UBASH3A: variants seen among roughly 807,000 people sequenced by gnomAD.
UBASH3A encodes the protein ubiquitin-associated and SH3 domain-containing protein A.
UBASH3A carries 63 observed loss-of-function variants against 73.5 expected under a neutral mutation model. That is an observed-to-expected ratio of 0.86 (90% CI 0.70 to 1.06). UBASH3A has a LOEUF of 1.06. UBASH3A is among the 50% of genes least tolerant of loss of function. The probability of loss-of-function intolerance (pLI) is 0.00; values close to 1 mark genes in which losing one functional copy is unlikely to be tolerated. For synonymous variants in UBASH3A, 363 were observed against 351.1 expected (o/e 1.03, Z -0.38); for missense variants, 860 against 859.0 (o/e 1.00, Z -0.02).
intron 7 of UBASH3A, among the ~76,000 whole-genome samples, chr21:42,422,969 C>T (rs1233276971): frequency 1.3e-5 from 2 of 152,218 alleles, no homozygotes; most frequent in Middle Eastern, 3.4e-3. Flanking sequence ...TTTTCAAACA[C>T]GACCATTTCA....
At chr21:42,407,092 T>C (rs368286139) in intron 2 of UBASH3A, among the ~76,000 whole-genome samples, 236 of 152,240 alleles carry the variant, frequency 1.6e-3, no homozygotes, top group African/African-American at 5.6e-3. Flanking sequence ...AGGTACCAGC[T>C]GCGTGAGTGA....
chr21:42,404,471 G>C (rs1233068116), intron 1 of UBASH3A, among the ~76,000 whole-genome samples: 1 of 152,096 alleles, frequency 6.6e-6, no homozygotes, highest in African/African-American at 2.4e-5. Flanking sequence ...TGATATTCTT[G>C]ACCTTTTAAA....
In UBASH3A at chr21:42,406,788, A is replaced by T. The variant is rs527963902; in HGVS notation, c.167+427A>T. Among the ~76,000 whole-genome samples, 393 of 152,314 alleles carry T rather than the reference A, an allele frequency of 2.6e-3. 3 individuals are homozygous for T. Among genetic ancestry groups the T allele is most frequent in the African/African-American group, 8.9e-3 (371 of 41,578 alleles). ...TATTAGTACTGCTAATATTCAGCCT[A>T]TTTCAGTAATTGAAGAGCAGGCTGG... is the stretch of plus-strand genomic sequence containing the variant. On this transcript the variant is annotated intron_variant, in intron 2 of 14. Transcript: ENST00000319294.
chr21:42,438,744 A>T (rs2053673655), intron 11 of UBASH3A, among the ~76,000 whole-genome samples: 1 of 152,090 alleles, frequency 6.6e-6, no homozygotes, highest in South Asian at 2.1e-4. Context: ...AAGGTCCACG[A>T]GGGGGCTGCT....
chr21:42,443,015 G>A, intron 12 of UBASH3A: 1 of 805,360 alleles, frequency 1.2e-6, no homozygotes, highest in Non-Finnish European at 1.7e-6. Context: ...TGAGAAGAAG[G>A]TTCAGAGGAG....
chr21:42,437,473 T>C lies in UBASH3A; in HGVS notation c.1394-15T>C. 6.2e-7 allele frequency: 1 copy of C among 1,612,672 alleles called. No individual in the cohort carries two copies. The highest frequency in any genetic ancestry group is 1.7e-4 in the Middle Eastern group (1 of 6,056). On this transcript the variant is annotated splice_polypyrimidine_tract_variant and intron_variant, in intron 10 of 14. Transcript: ENST00000319294. ...TTATGAAGGGGCATTTTCTGCCTTT[T>C]TCACTATTTTCCAGGGGACGCGCTA...
rs776729586 is a variant in UBASH3A, at chr21:42,443,372, G to A, written c.1692G>A (p.Arg564=). ...PAESYQEYMD[R]CTASMVQIVN... is the part of the protein sequence containing the mutation. ...AGAGCTACCAGGAGTACATGGACAG[G>A]TGCACGGCGAGCATGGTGCAAATCG... The change falls in exon 13 of 15, where the codon AGG becomes AGA. Residue 564 remains arginine, a synonymous_variant. Coordinates refer to ENST00000319294, the MANE Select transcript of UBASH3A (RefSeq NM_018961.4). The A allele has an allele frequency of 6.2e-7, 1 of 1,613,484 alleles. No individual in the cohort carries two copies. The highest frequency in any genetic ancestry group is 1.7e-5 in the Admixed American group (1 of 59,978).
rs1568912556 is a variant in UBASH3A, at chr21:42,413,091, C to T, written c.422C>T (p.Ser141Phe). Residue 141 changes from serine (S) to phenylalanine (F), a missense_variant, in exon 4 of 15, where the codon TCC (serine) becomes TTC (phenylalanine). Transcript: ENST00000319294. The surrounding 1 kb of genome is among the most constrained non-coding windows in gnomAD (Gnocchi z 4.5). The stretch of plus-strand genomic sequence containing the variant: ...AGAGCTGGAGACAGGCTCCTGGGCT[C>T]CTTCCCCACGGCCGTGCCTCTGGCT... ...LKRAGDRLLG[S>F]FPTAVPLALH... 6.2e-7 allele frequency: 1 copy of T among 1,614,232 alleles called. No individual in the cohort carries two copies. Among genetic ancestry groups the T allele is most frequent in the African/African-American group, 1.3e-5 (1 of 75,058 alleles).
chr21:42,416,255 C>T (rs1437545045), intron 5 of UBASH3A, among the ~76,000 whole-genome samples, 187 bp from the exon 6 acceptor site: 2 of 152,108 alleles, frequency 1.3e-5, no homozygotes, highest in Non-Finnish European at 2.9e-5. Context: ...CCATATCGTC[C>T]TCTTTCCTAC....
rs767474940 is a variant in UBASH3A, at chr21:42,413,178, G to A, written c.509G>A (p.Arg170Gln). ...FVSGSPADVIREFAMTFATEA... is the reference protein window; with the variant it reads ...FVSGSPADVIQEFAMTFATEA... ...AGTGGCAGCCCCGCAGACGTCATCC[G>A]GGAATTCGCCATGACCTTCGCCACG... Residue 170 changes from arginine to glutamine, a missense_variant, in exon 4 of 15, where the codon CGG becomes CAG. Coordinates refer to ENST00000319294, the MANE Select transcript of UBASH3A (RefSeq NM_018961.4). The surrounding 1 kb of genome is among the most constrained non-coding windows in gnomAD (Gnocchi z 4.5). The A allele has an allele frequency of 8.1e-6, 13 of 1,614,150 alleles. No homozygotes were observed. The highest frequency in any genetic ancestry group is 4.5e-5 in the East Asian group (2 of 44,886).
In UBASH3A at chr21:42,406,941, G is replaced by T. The variant is rs900243388; in HGVS notation, c.167+580G>T. Among the ~76,000 whole-genome samples, 2 of 152,100 alleles carry T rather than the reference G, an allele frequency of 1.3e-5. 1 individual carries two copies. Among genetic ancestry groups the T allele is most frequent in the African/African-American group, 4.8e-5 (2 of 41,340 alleles). Reference sequence around the variant, plus strand: ...TTGAGACATAATTGACATCTTTGCTGATAGAGACTAGCGGCCACCATGCTC... The same window carrying T: ...TTGAGACATAATTGACATCTTTGCTTATAGAGACTAGCGGCCACCATGCTC... On this transcript the variant is annotated intron_variant, in intron 2 of 14. Transcript: ENST00000319294.
At chr21:42,438,869 G>A (rs546632268) in intron 11 of UBASH3A, among the ~76,000 whole-genome samples, 1 of 152,202 alleles carries the variant, frequency 6.6e-6, no homozygotes, top group South Asian at 2.1e-4. Flanking sequence ...TCCTGCAGGA[G>A]GTGGGCAGGA....
chr21:42,411,432 GCA>G (rs765763016), intron 3 of UBASH3A, among the ~76,000 whole-genome samples: 31 of 150,646 alleles, frequency 2.1e-4, no homozygotes, highest in Admixed American at 1.1e-3. Flanking sequence ...ATAGACAAAT[GCA>G]CACATACAGA....
intron 14 of UBASH3A, among the ~76,000 whole-genome samples, chr21:42,445,123 G>A (rs8132545): frequency 0.059 from 9,049 of 152,262 alleles, 921 homozygotes; most frequent in African/African-American, 0.21. Flanking sequence ...TCTGGCAAGG[G>A]CCTTGTGAAT....
Position 42,416,621 on chromosome 21 carries a change from C to A in UBASH3A, c.837+10C>A. ...CTTTGTGCACTACCAGGTGAGAGAGCTGAGCAGGGGCTCATAAGAAGCAGA... is the reference window on the plus strand; with the variant it reads ...CTTTGTGCACTACCAGGTGAGAGAGATGAGCAGGGGCTCATAAGAAGCAGA... On this transcript the variant is annotated intron_variant, in intron 6 of 14. Coordinates refer to ENST00000319294, the MANE Select transcript of UBASH3A (RefSeq NM_018961.4). 6.4e-7 allele frequency: 1 copy of A among 1,552,556 alleles called. No homozygotes were observed. Among genetic ancestry groups the A allele is most frequent in the Non-Finnish European group, 8.7e-7 (1 of 1,147,896 alleles).
intron 10 of UBASH3A, among the ~76,000 whole-genome samples, chr21:42,437,170 C>G (rs2053639322): frequency 6.6e-6 from 1 of 152,248 alleles, no homozygotes; most frequent in African/African-American, 2.4e-5. Context: ...TTTGCTGAAT[C>G]CTTCTCACTT....
intron 7 of UBASH3A, among the ~76,000 whole-genome samples, chr21:42,426,367 G>C (rs1473664375): frequency 6.6e-6 from 1 of 152,198 alleles, no homozygotes; most frequent in Non-Finnish European, 1.5e-5. Flanking sequence ...ACTCAGCCTA[G>C]TGACTTAAAT....
rs2053149453 is a variant in UBASH3A at position 42,413,798 on chromosome 21, T to C, written c.667+275T>C. Among the ~76,000 whole-genome samples the C allele has an allele frequency of 6.6e-6, 1 of 152,192 alleles. No individual in the cohort carries two copies. The highest frequency in any genetic ancestry group is 1.5e-5 in the Non-Finnish European group (1 of 68,040). On this transcript the variant is annotated intron_variant, in intron 5 of 14. Coordinates refer to ENST00000319294, the MANE Select transcript of UBASH3A (RefSeq NM_018961.4). The surrounding 1 kb of genome is among the most constrained non-coding windows in gnomAD (Gnocchi z 4.5). ...TTCTGTATTTTCAGTATGAGCTTAG[T>C]GCTCTCTCCTTGGCCTCTCCAGGGA...
chr21:42,417,441 A>T (rs998053208), intron 6 of UBASH3A: 1 of 149,296 alleles, frequency 6.7e-6, no homozygotes, highest in African/African-American at 2.4e-5. Context: ...AAAAAAAAAA[A>T]AAGACAGAAA....
Sources: gnomAD v4.1 joint callset for allele counts (sites outside exome capture counted in the v4.1 genomes callset) on GRCh38, gnomAD v4.1.1 for gene constraint, Gnocchi (gnomAD v3.1) non-coding constraint, MANE v1.5 for transcripts, NCBI Gene and HGNC (gene_info 2026-07-23, HGNC 2026-07-21) for gene names.